The following PRKN variants were observed in gnomAD, a reference collection of about 807,000 sequenced individuals.
The protein encoded by PRKN is parkin RBR E3 ubiquitin protein ligase.
Under a neutral mutation model 59.5 loss-of-function variants are expected in PRKN, and 56 were observed. The ratio of observed to expected loss-of-function variants is 0.94; its 90% CI spans 0.76 to 1.18. PRKN has a LOEUF of 1.18. Among genes scored for constraint, PRKN ranks in the 50% most tolerant of loss-of-function variants. The pLI is 0.00. For missense variants in PRKN, 657 were observed against 596.4 expected (o/e 1.10, Z -1.06); for synonymous variants, 250 against 222.1 (o/e 1.13, Z -1.12).
Position 161,661,390 on chromosome 6 carries a change from T to A in PRKN, c.872-91974A>T, listed in dbSNP as rs1468745883. Among the ~76,000 whole-genome samples the A allele has an allele frequency of 2.6e-5, 4 of 152,106 alleles. No homozygotes were observed. In the South Asian group the frequency reaches 8.3e-4, roughly 32 times the overall value. ...CAGGGCCTGTGTGTCTGCAGCTCCA[T>A]CTGCCTGGAACTCCCCTCCCAGATA... On this transcript the variant is annotated intron_variant, in intron 7 of 11. Transcript: ENST00000366898.
chr6:161,930,578 G>A (rs920040134), intron 6 of PRKN, among the ~76,000 whole-genome samples: 2 of 152,204 alleles, frequency 1.3e-5, no homozygotes, highest in African/African-American at 4.8e-5. Context: ...AAACTCATAT[G>A]TATTGCTGAA....
At chr6:161,724,076 G>A (rs1704098883) in intron 7 of PRKN, among the ~76,000 whole-genome samples, 2 of 152,198 alleles carry the variant, frequency 1.3e-5, no homozygotes, top group South Asian at 4.1e-4. Context: ...GATGCTGGGG[G>A]AAGTAGAGCT....
chr6:162,099,666 G>T (rs1779883972), intron 4 of PRKN, among the ~76,000 whole-genome samples: 1 of 152,142 alleles, frequency 6.6e-6, no homozygotes, highest in South Asian at 2.1e-4. Flanking sequence ...CAACAAAAAT[G>T]ATATCTATTT....
chr6:161,898,566 G>A (rs1474935049), intron 6 of PRKN, among the ~76,000 whole-genome samples: 3 of 152,158 alleles, frequency 2.0e-5, no homozygotes, highest in Non-Finnish European at 4.4e-5. Flanking sequence ...TGGCTGAAGT[G>A]GGTCATGCAG....
chr6:162,097,109 C>G (rs778121203), intron 4 of PRKN, among the ~76,000 whole-genome samples: 22 of 152,052 alleles, frequency 1.4e-4, no homozygotes, highest in Non-Finnish European at 2.2e-4. Flanking sequence ...AACTCCTGAC[C>G]TCGTGATCTG....
intron 3 of PRKN, among the ~76,000 whole-genome samples, chr6:162,228,155 A>G (rs1277382436): frequency 6.6e-6 from 1 of 152,186 alleles, no homozygotes; most frequent in Admixed American, 6.5e-5. Context: ...ATAAGAGAGA[A>G]GCCTTTAGTC....
At chr6:161,811,693 C>T (rs112447106) in intron 6 of PRKN, among the ~76,000 whole-genome samples, 15 of 152,158 alleles carry the variant, frequency 9.9e-5, no homozygotes, top group African/African-American at 2.4e-4. Context: ...GAGGCCGAGG[C>T]GGGTGGATCA....
chr6:162,460,279 T>C (rs1426400203), intron 1 of PRKN, among the ~76,000 whole-genome samples: 1 of 152,212 alleles, frequency 6.6e-6, no homozygotes, highest in Non-Finnish European at 1.5e-5. Context: ...AGATGTTGTA[T>C]GATTCCATTG....
chr6:161,370,121 G>A lies in PRKN; in HGVS notation c.1168-9916C>T, dbSNP rs1369283038. 3 of 272,884 alleles carry A rather than the reference G, an allele frequency of 1.1e-5. No individual in the cohort carries two copies. The East Asian group carries it at 2.5e-4, about 23-fold the overall frequency. 16.9% of individuals were successfully genotyped at this position (272,884 alleles called of 1,614,324 possible). ...GAAAAGACCACTGAAGGCCTGGATT[G>A]GCCTTAAATCTCCTTTAAAAACACA... On this transcript the variant is annotated intron_variant, in intron 10 of 11. Transcript: ENST00000366898.
At chr6:162,690,219 A>G (rs1005754439) in intron 1 of PRKN, among the ~76,000 whole-genome samples, 2 of 152,044 alleles carry the variant, frequency 1.3e-5, no homozygotes, top group African/African-American at 4.8e-5. Context: ...CTGAGCACTT[A>G]CTAGGTGCCA....
intron 1 of PRKN, among the ~76,000 whole-genome samples, chr6:162,605,779 C>T (rs1251578665): frequency 6.6e-6 from 1 of 152,070 alleles, no homozygotes; most frequent in African/African-American, 2.4e-5. Context: ...TATCACGTGG[C>T]CTTGTACAAA....
chr6:162,727,679 T>A lies in PRKN; in HGVS notation c.-11A>T, dbSNP rs765760680. 6.3e-7 allele frequency: 1 copy of A among 1,577,644 alleles called. No individual in the cohort carries two copies. Among genetic ancestry groups the A allele is most frequent in the African/African-American group, 1.4e-5 (1 of 73,846 alleles). ...CCACGTACCTATCATGGTCACTGGG[T>A]AGGTGGCGGCTGCGGGCCAGGAACA... On this transcript the variant is annotated 5_prime_UTR_variant, in exon 1 of 12. Transcript: ENST00000366898.
intron 4 of PRKN, among the ~76,000 whole-genome samples, chr6:162,189,955 AT>A (rs1292765241): frequency 6.6e-6 from 1 of 152,184 alleles, no homozygotes; most frequent in East Asian, 1.9e-4. Context: ...GGCATTCTAA[AT>A]TAATATGAAA....
At chr6:162,362,039 C>A (rs1367309290) in intron 2 of PRKN, among the ~76,000 whole-genome samples, 2 of 152,200 alleles carry the variant, frequency 1.3e-5, no homozygotes, top group East Asian at 3.9e-4. Context: ...ACATTCTACA[C>A]CGTGTGTGTT....
chr6:162,206,412 C>T (rs920072072), intron 3 of PRKN, among the ~76,000 whole-genome samples: 3 of 152,182 alleles, frequency 2.0e-5, no homozygotes, highest in Admixed American at 6.5e-5. Context: ...TAAGGAGCTG[C>T]TGGCATGAGG....
chr6:161,727,555 A>G lies in PRKN; in HGVS notation c.871+58217T>C, dbSNP rs368902734. Among the ~76,000 whole-genome samples the G allele has an allele frequency of 1.2e-3, 184 of 152,366 alleles. 1 individual carries two copies. Among genetic ancestry groups the G allele is most frequent in the Middle Eastern group, 0.01 (3 of 294 alleles). ...CCAATTGATTGTAGAGAAAGTCTGC[A>G]GCATGACTTCCTGGATTCGCTCAAT... On this transcript the variant is annotated intron_variant, in intron 7 of 11. Coordinates refer to ENST00000366898, the MANE Select transcript of PRKN (RefSeq NM_004562.3).
intron 6 of PRKN, among the ~76,000 whole-genome samples, chr6:161,923,417 A>G (rs1437459208): frequency 1.3e-5 from 2 of 152,194 alleles, no homozygotes; most frequent in African/African-American, 4.8e-5. Flanking sequence ...CGGGAGGTGG[A>G]GGCTGCAGTG....
chr6:162,391,204 G>C (rs1374019644), intron 2 of PRKN, among the ~76,000 whole-genome samples: 1 of 152,054 alleles, frequency 6.6e-6, no homozygotes, highest in Non-Finnish European at 1.5e-5. Context: ...CATGGATTTC[G>C]AACATCTGCA....
rs182119088 is a variant in PRKN, at chr6:162,298,201, C to G, written c.172-35436G>C. ...AGAGAGAGAGAGAGAGAGAAATTGA[C>G]TGGGGCTTCCCTCCATCCTTCCTGG... On this transcript the variant is annotated intron_variant, in intron 2 of 11. Transcript: ENST00000366898. 3.0e-3 allele frequency among the ~76,000 whole-genome samples: 451 copies of G among 151,514 alleles called. 6 individuals are homozygous for G. Among genetic ancestry groups the G allele is most frequent in the Non-Finnish European group, 5.5e-3 (375 of 67,928 alleles).
Sources: allele counts gnomAD v4.1 joint callset (sites outside exome capture counted in the v4.1 genomes callset), GRCh38; gene constraint gnomAD v4.1.1; transcripts MANE v1.5; gene names NCBI Gene and HGNC (gene_info 2026-07-23, HGNC 2026-07-21).